The following CLVS1 variants were observed in gnomAD, a reference collection of about 807,000 sequenced individuals.
CLVS1 encodes clavesin-1.
Under a neutral mutation model 33.1 loss-of-function variants are expected in CLVS1, and 10 were observed. The ratio of observed to expected loss-of-function variants is 0.30; its 90% CI spans 0.19 to 0.51. CLVS1 has a LOEUF of 0.51. CLVS1 is among the 20% of genes least tolerant of loss of function. CLVS1 has a pLI of 0.97. For synonymous variants in CLVS1, 163 were observed against 166.1 expected, an observed-to-expected ratio of 0.98 and a Z score of 0.14; for missense variants, 343 against 433.4, an observed-to-expected ratio of 0.79 and a Z score of 1.85.
chr8:61,459,592 G>T (rs1159186867), intron 5 of CLVS1, among the ~76,000 whole-genome samples: 2 of 151,338 alleles, frequency 1.3e-5, no homozygotes, highest in African/African-American at 4.9e-5. Context: ...GAGAACATAA[G>T]ATGTGAAACC....
intron 2 of CLVS1, among the ~76,000 whole-genome samples, chr8:61,326,735 A>T (rs115972120): frequency 0.01 from 1,585 of 152,282 alleles, 31 homozygotes; most frequent in African/African-American, 0.037. Context: ...AGATCATCTA[A>T]CATAAATAAG....
chr8:61,051,779 G>A, the CLVS1 span, among the ~76,000 whole-genome samples: 1 of 152,226 alleles, frequency 6.6e-6, no homozygotes, highest in Admixed American at 6.5e-5. Context: ...GCATCTGGCC[G>A]TGCTGGCCCA....
At chr8:61,079,429 G>A (rs1804982413) in intron 1 of CLVS1, among the ~76,000 whole-genome samples, 1 of 152,172 alleles carries the variant, frequency 6.6e-6, no homozygotes, top group Admixed American at 6.5e-5. Flanking sequence ...GGAAGTTATT[G>A]ATATTTCCTA....
At chr8:61,419,647 T>A (rs1815579288) in intron 3 of CLVS1, among the ~76,000 whole-genome samples, 1 of 152,226 alleles carries the variant, frequency 6.6e-6, no homozygotes, top group African/African-American at 2.4e-5. Context: ...TTTAACATAC[T>A]GCTTTGGAAA....
intron 2 of CLVS1, among the ~76,000 whole-genome samples, chr8:61,376,389 G>A (rs1372963310): frequency 6.6e-6 from 1 of 152,228 alleles, no homozygotes; most frequent in African/African-American, 2.4e-5. Context: ...AGTTTGGGGT[G>A]CAGAGCCAAG....
chr8:60,992,924 ACT>A, the CLVS1 span, among the ~76,000 whole-genome samples: 5 of 152,102 alleles, frequency 3.3e-5, no homozygotes, highest in African/African-American at 9.7e-5. Flanking sequence ...GGACAGTGAA[ACT>A]CAGTGGAGGA....
chr8:61,091,249 G>T (rs557575790), intron 1 of CLVS1, among the ~76,000 whole-genome samples: 2 of 152,278 alleles, frequency 1.3e-5, no homozygotes, highest in African/African-American at 4.8e-5. Flanking sequence ...GCCTCTAGAA[G>T]GCGAAAGAGA....
intron 3 of CLVS1, among the ~76,000 whole-genome samples, chr8:61,425,129 A>T (rs1366711211): frequency 2.0e-5 from 3 of 152,202 alleles, no homozygotes; most frequent in Non-Finnish European, 4.4e-5. Context: ...CAAATTTATC[A>T]ATAAATGTTT....
chr8:61,234,787 C>T (rs1395665993), intron 2 of CLVS1, among the ~76,000 whole-genome samples: 4 of 151,962 alleles, frequency 2.6e-5, no homozygotes, highest in South Asian at 2.1e-4. Flanking sequence ...TATGGATCTC[C>T]GCAGAAAAAT....
intron 3 of CLVS1, among the ~76,000 whole-genome samples, chr8:61,423,579 G>A (rs1815765506): frequency 6.6e-6 from 1 of 152,186 alleles, no homozygotes; most frequent in Admixed American, 6.6e-5. Flanking sequence ...TATTCAGTAA[G>A]AGAATGCCTG....
intron 3 of CLVS1, among the ~76,000 whole-genome samples, chr8:61,443,129 T>C (rs1171592037): frequency 6.6e-6 from 1 of 152,246 alleles, no homozygotes; most frequent in Non-Finnish European, 1.5e-5. Flanking sequence ...ATATTCTAGA[T>C]ACTTGTCCTT....
chr8:61,012,667 T>C, the CLVS1 span, among the ~76,000 whole-genome samples: 2 of 152,126 alleles, frequency 1.3e-5, no homozygotes, highest in African/African-American at 4.8e-5. Context: ...ACTGTGTGAG[T>C]CCTCGTCCAG....
chr8:61,321,014 T>C (rs1255198921), intron 2 of CLVS1, among the ~76,000 whole-genome samples: 1 of 152,234 alleles, frequency 6.6e-6, no homozygotes, highest in Non-Finnish European at 1.5e-5. Context: ...TTGTAATCAA[T>C]TTTATAACCA....
intron 1 of CLVS1, among the ~76,000 whole-genome samples, chr8:61,120,030 C>A (rs1805823178): frequency 6.8e-6 from 1 of 147,576 alleles, no homozygotes; most frequent in African/African-American, 2.6e-5. Context: ...TAGATTTGGT[C>A]TTTTCACATA....
chr8:61,028,641 T>A, the CLVS1 span, among the ~76,000 whole-genome samples: 10 of 152,284 alleles, frequency 6.6e-5, no homozygotes, highest in South Asian at 2.1e-3. Context: ...CTGTGCTGGC[T>A]CAGATAAGCT....
intron 2 of CLVS1, among the ~76,000 whole-genome samples, chr8:61,217,949 A>C (rs1051309133): frequency 1.3e-5 from 2 of 152,230 alleles, no homozygotes; most frequent in Admixed American, 6.5e-5. Flanking sequence ...AAACCACAGT[A>C]AAGTATCATT....
intron 1 of CLVS1, among the ~76,000 whole-genome samples, chr8:61,076,740 A>G (rs1046820976): frequency 2.0e-5 from 3 of 152,080 alleles, no homozygotes; most frequent in Non-Finnish European, 2.9e-5. Flanking sequence ...TTGGGTGGCT[A>G]TTTGTCAGGA....
intron 2 of CLVS1, among the ~76,000 whole-genome samples, chr8:61,216,637 C>A (rs2931339): frequency 6.6e-6 from 1 of 151,872 alleles, no homozygotes; most frequent in African/African-American, 2.4e-5. Flanking sequence ...GTATTTTATC[C>A]AGGGCAGTGA....
chr8:61,330,326 T>C (rs767341819), intron 2 of CLVS1, among the ~76,000 whole-genome samples: 2 of 152,116 alleles, frequency 1.3e-5, no homozygotes, highest in African/African-American at 2.4e-5. Flanking sequence ...AGGGGACACA[T>C]GGCAGAAAAT....
Sources: allele counts gnomAD v4.1 joint callset (sites outside exome capture counted in the v4.1 genomes callset), GRCh38; gene constraint gnomAD v4.1.1; transcripts MANE v1.5; gene names NCBI Gene and HGNC (gene_info 2026-07-23, HGNC 2026-07-21).